Variants in EPS15 observed in about 807,000 individuals in gnomAD.
The protein encoded by EPS15 is epidermal growth factor receptor substrate 15.
Under a neutral mutation model 113.8 loss-of-function variants are expected in EPS15, and 72 were observed. The observed-to-expected ratio is 0.63, with a 90% CI of 0.52 to 0.77. The LOEUF (loss-of-function observed/expected upper bound fraction) is 0.77. EPS15 is among the 30% of genes least tolerant of loss of function. The probability of loss-of-function intolerance (pLI) is 0.00; values close to 1 mark genes in which losing one functional copy is unlikely to be tolerated. For synonymous variants in EPS15, 344 were observed against 363.4 expected, an observed-to-expected ratio of 0.95 and a Z score of 0.61; for missense variants, 1,048 against 1,045.8, an observed-to-expected ratio of 1.00 and a Z score of -0.03.
chr1:51,466,916 TACAG>T (rs1208092620), intron 5 of EPS15, among the ~76,000 whole-genome samples: 10 of 151,890 alleles, frequency 6.6e-5, no homozygotes, highest in South Asian at 4.2e-4. Context: ...TTGCAACTCA[TACAG>T]ACAAAGAGTT....
At chr1:51,423,670 C>T in intron 12 of EPS15, 1 of 985,356 alleles carries the variant, frequency 1.0e-6, no homozygotes, top group Non-Finnish European at 1.2e-6. Flanking sequence ...ATTCTTTCTG[C>T]TCTGCTGCTA....
intron 5 of EPS15, among the ~76,000 whole-genome samples, chr1:51,466,500 G>A (rs1038608029): frequency 7.3e-5 from 11 of 151,696 alleles, no homozygotes; most frequent in Non-Finnish European, 1.3e-4. Context: ...GTGGGTGCCT[G>A]TAATCCCAGC....
chr1:51,466,623 C>CA (rs36121679), intron 5 of EPS15, among the ~76,000 whole-genome samples: 4,482 of 148,162 alleles, frequency 0.03, 74 homozygotes, highest in African/African-American at 0.05. Context: ...AACTCCCTCT[C>CA]AAAAAAAAAT....
chr1:51,448,177 T>C (rs1173366643), intron 8 of EPS15, 42 bp from the exon 9 acceptor site: 2 of 1,182,402 alleles, frequency 1.7e-6, no homozygotes, highest in Non-Finnish European at 2.5e-6. Flanking sequence ...TTAAAAGCAC[T>C]TAACATCCAC....
chr1:51,419,673 C>T (rs953354286), intron 13 of EPS15, among the ~76,000 whole-genome samples: 10 of 152,042 alleles, frequency 6.6e-5, no homozygotes, highest in African/African-American at 2.4e-4. Flanking sequence ...TTAATAGCTC[C>T]AGTGAGTTGC....
chr1:51,408,483 G>C, intron 14 of EPS15, 151 bp from the exon 15 acceptor site: 1 of 636,792 alleles, frequency 1.6e-6, no homozygotes, highest in Non-Finnish European at 2.7e-6. Flanking sequence ...TTTAATTTTT[G>C]AGAGAGAGAG....
intron 1 of EPS15, chr1:51,490,327 C>T (rs914794837): frequency 2.0e-5 from 9 of 440,550 alleles, no homozygotes; most frequent in Non-Finnish European, 3.2e-5. Flanking sequence ...GCACTCTGGG[C>T]GGCCAAAGCG....
chr1:51,424,452 G>A (rs569644338), intron 12 of EPS15, among the ~76,000 whole-genome samples: 1 of 152,080 alleles, frequency 6.6e-6, no homozygotes, highest in African/African-American at 2.4e-5. Flanking sequence ...ACAGTTGATG[G>A]ACACATAATC....
intron 10 of EPS15, among the ~76,000 whole-genome samples, chr1:51,446,074 C>T (rs4255420): frequency 6.6e-6 from 1 of 152,176 alleles, no homozygotes; most frequent in Non-Finnish European, 1.5e-5. Context: ...CCCTTCTTTT[C>T]TAAGTTTCTC....
chr1:51,405,520 A>T (rs945016831), intron 16 of EPS15, among the ~76,000 whole-genome samples: 1 of 152,078 alleles, frequency 6.6e-6, no homozygotes, highest in African/African-American at 2.4e-5. Flanking sequence ...AACATGATGA[A>T]ACCCCATCTC....
intron 12 of EPS15, chr1:51,423,259 T>C (rs1312677201): frequency 1.6e-6 from 2 of 1,288,764 alleles, no homozygotes; most frequent in Admixed American, 2.3e-5. Flanking sequence ...TTTTAAACAG[T>C]CCCTTACCAT....
chr1:51,396,595 A>G (rs1457247863), intron 20 of EPS15, among the ~76,000 whole-genome samples: 6 of 152,166 alleles, frequency 3.9e-5, no homozygotes, highest in Non-Finnish European at 8.8e-5. Flanking sequence ...TGCCATCACA[A>G]GGAGAAAGGG....
At chr1:51,490,999 T>G (rs557059040) in intron 1 of EPS15, among the ~76,000 whole-genome samples, 1 of 152,272 alleles carries the variant, frequency 6.6e-6, no homozygotes, top group Non-Finnish European at 1.5e-5. Flanking sequence ...TTTTTGCAAC[T>G]TCCCATGAAA....
intron 1 of EPS15, chr1:51,518,416 T>A (rs1257541079): frequency 6.6e-6 from 1 of 152,140 alleles, no homozygotes; most frequent in Non-Finnish European, 1.5e-5. Flanking sequence ...ACCACACCCG[T>A]TAAAGGGATC....
intron 1 of EPS15, among the ~76,000 whole-genome samples, chr1:51,510,457 A>C (rs1413399997): frequency 6.6e-6 from 1 of 152,222 alleles, no homozygotes; most frequent in African/African-American, 2.4e-5. Flanking sequence ...TAAGTGAAAT[A>C]ATGTATGTAG....
rs938377750 is a variant in EPS15, at chr1:51,447,173, T to C, written c.652-68A>G. On this transcript the variant is annotated intron_variant, in intron 9 of 24. Coordinates refer to ENST00000371733, the MANE Select transcript of EPS15 (RefSeq NM_001981.3). Reference sequence around the variant, plus strand: ...AAACTTTGAAGTGTCACTCTTTCAATCCATTACAATATCCATCACAAATTC... The same window carrying C: ...AAACTTTGAAGTGTCACTCTTTCAACCCATTACAATATCCATCACAAATTC... The C allele has an allele frequency of 5.2e-6, 7 of 1,358,420 alleles. No individual in the cohort carries two copies. The African/African-American group carries it at 5.8e-5, about 11-fold the overall frequency. The allele number at this position is 1,358,420 out of a possible 1,614,324, so 84.1% of individuals were successfully genotyped here. A position where few individuals can be genotyped will look rare whatever the true frequency, so the allele number is the denominator to read the frequency against.
rs1644440795 is a variant in EPS15 at position 51,503,103 on chromosome 1, T to C, written c.33+16096A>G. Among the ~76,000 whole-genome samples the C allele has an allele frequency of 2.0e-5, 3 of 151,746 alleles. No homozygotes were observed. The South Asian group carries it at 6.2e-4, about 31-fold the overall frequency. Reference sequence around the variant, plus strand: ...TTTAACAAAAGTACAAGACTTACTATACTCTAAAAACTACAAGACACTGAA... The same window carrying C: ...TTTAACAAAAGTACAAGACTTACTACACTCTAAAAACTACAAGACACTGAA... On this transcript the variant is annotated intron_variant, in intron 1 of 24. Coordinates refer to ENST00000371733, the MANE Select transcript of EPS15 (RefSeq NM_001981.3).
At chr1:51,472,985 AC>A in intron 2 of EPS15, 37 bp from the exon 3 acceptor site, 1 of 1,509,366 alleles carries the variant, frequency 6.6e-7, no homozygotes, top group South Asian at 1.1e-5. Context: ...ACAACAAAAT[AC>A]AAAAGGCAAA....
At chr1:51,481,105 C>T (rs1448508384) in intron 2 of EPS15, among the ~76,000 whole-genome samples, 168 bp downstream of exon 2, 2 of 152,148 alleles carry the variant, frequency 1.3e-5, no homozygotes, top group Non-Finnish European at 2.9e-5. Flanking sequence ...CTTCATTTCT[C>T]TGGGATTGTC....
Sources: allele counts gnomAD v4.1 joint callset (sites outside exome capture counted in the v4.1 genomes callset), GRCh38; gene constraint gnomAD v4.1.1; transcripts MANE v1.5; gene names NCBI Gene and HGNC (gene_info 2026-07-23, HGNC 2026-07-21).